The following VSTM4 variants were observed in gnomAD, a reference collection of about 807,000 sequenced individuals.
VSTM4 encodes V-set and transmembrane domain-containing protein 4.
Under a neutral mutation model 36.4 loss-of-function variants are expected in VSTM4, and 20 were observed. That is an observed-to-expected ratio of 0.55 (90% CI 0.39 to 0.80). VSTM4 has a LOEUF of 0.80. VSTM4 is among the 30% of genes least tolerant of loss of function. The pLI, the probability that VSTM4 is intolerant of heterozygous loss-of-function variation, is 0.00. For synonymous variants in VSTM4, 182 were observed against 173.9 expected, an observed-to-expected ratio of 1.05 and a Z score of -0.37; for missense variants, 392 against 404.5, an observed-to-expected ratio of 0.97 and a Z score of 0.26.
chr10:49,095,527 C>A (rs574085055), intron 2 of VSTM4, among the ~76,000 whole-genome samples: 1 of 152,230 alleles, frequency 6.6e-6, no homozygotes, highest in East Asian at 1.9e-4. Context: ...GCATCTAAGT[C>A]CATTGAGTTA....
chr10:49,049,008 A>C (rs1301405092), intron 5 of VSTM4, among the ~76,000 whole-genome samples: 1 of 152,138 alleles, frequency 6.6e-6, no homozygotes, highest in Non-Finnish European at 1.5e-5. Flanking sequence ...AGCTCCCTAA[A>C]ACCAAGGTTC....
At chr10:49,101,399 C>G (rs1299292560) in intron 2 of VSTM4, among the ~76,000 whole-genome samples, 1 of 152,076 alleles carries the variant, frequency 6.6e-6, no homozygotes, top group African/African-American at 2.4e-5. Context: ...ATAAAAAAGA[C>G]AGCAACCCAT....
At chr10:49,028,649 C>T (rs75654734) in intron 7 of VSTM4, among the ~76,000 whole-genome samples, 1 of 152,212 alleles carries the variant, frequency 6.6e-6, no homozygotes, top group Non-Finnish European at 1.5e-5. Flanking sequence ...AACATTCTTA[C>T]TAAGAGAGGT....
chr10:49,033,852 C>G (rs753152576), intron 7 of VSTM4, among the ~76,000 whole-genome samples: 4 of 152,124 alleles, frequency 2.6e-5, no homozygotes, highest in East Asian at 1.9e-4. Flanking sequence ...GTGGGAAGTG[C>G]CATGGAAGGG....
intron 7 of VSTM4, 94 bp downstream of exon 7, chr10:49,046,889 T>C: frequency 7.9e-7 from 1 of 1,267,272 alleles, no homozygotes; most frequent in Non-Finnish European, 1.1e-6. Flanking sequence ...TCTAAAACTT[T>C]CTGTATGTTT....
intron 7 of VSTM4, among the ~76,000 whole-genome samples, chr10:49,040,474 C>T (rs775908084): frequency 3.3e-5 from 5 of 151,764 alleles, no homozygotes; most frequent in Non-Finnish European, 7.4e-5. Flanking sequence ...TTTGAGGAGA[C>T]GAGGTTTCAC....
chr10:49,058,607 G>T lies in VSTM4; in HGVS notation c.668+6096C>A, dbSNP rs115172143. ...GAAGGTCAGGGCCACCCCTCCAAGA[G>T]ACAGCAATTTACAACCTCAGGGACA... On this transcript the variant is annotated intron_variant, in intron 5 of 7. Transcript: ENST00000332853. 2.0e-3 allele frequency among the ~76,000 whole-genome samples: 303 copies of T among 152,284 alleles called. 3 individuals carry two copies. Among genetic ancestry groups the T allele is most frequent in the African/African-American group, 7.0e-3 (292 of 41,576 alleles).
chr10:49,078,500 A>C (rs1034041786), intron 3 of VSTM4, among the ~76,000 whole-genome samples: 30 of 150,778 alleles, frequency 2.0e-4, no homozygotes, highest in African/African-American at 6.6e-4. Context: ...ACCTGGATGA[A>C]TCTCCAGAGA....
intron 2 of VSTM4, among the ~76,000 whole-genome samples, chr10:49,094,527 G>A (rs903341164): frequency 6.6e-5 from 10 of 152,204 alleles, no homozygotes; most frequent in Admixed American, 6.5e-5. Flanking sequence ...CCCTCAGGCA[G>A]CATCTTACAC....
At chr10:49,096,272 G>C (rs1383471982) in intron 2 of VSTM4, among the ~76,000 whole-genome samples, 1 of 152,066 alleles carries the variant, frequency 6.6e-6, no homozygotes, top group African/African-American at 2.4e-5. Flanking sequence ...CACACTTTGG[G>C]GTTAAACAGT....
chr10:49,036,281 C>T (rs1161960157), intron 7 of VSTM4, among the ~76,000 whole-genome samples: 1 of 152,182 alleles, frequency 6.6e-6, no homozygotes, highest in Non-Finnish European at 1.5e-5. Context: ...ATGGGCTGTG[C>T]ATGTGTACCT....
At chr10:49,036,008 G>C (rs1843424695) in intron 7 of VSTM4, among the ~76,000 whole-genome samples, 1 of 152,150 alleles carries the variant, frequency 6.6e-6, no homozygotes, top group Non-Finnish European at 1.5e-5. Flanking sequence ...GAGGGGCCTT[G>C]GCACTAACTG....
Position 49,049,335 on chromosome 10 carries a change from A to C in VSTM4, c.669-751T>G, listed in dbSNP as rs188464907. Among the ~76,000 whole-genome samples the C allele has an allele frequency of 8.9e-4, 135 of 152,332 alleles. 2 individuals carry two copies. The highest frequency in any genetic ancestry group is 6.6e-3 in the Admixed American group (101 of 15,310). Reference sequence around the variant, plus strand: ...GAAGGCCAAGGCTTAAATAGGCTACATGATTGCTCTAAGTGACATTGTTGG... The same window carrying C: ...GAAGGCCAAGGCTTAAATAGGCTACCTGATTGCTCTAAGTGACATTGTTGG... On this transcript the variant is annotated intron_variant, in intron 5 of 7. Transcript: ENST00000332853.
rs1844646962 is a variant in VSTM4, at chr10:49,100,469, G to A, written c.457+7125C>T. 3.3e-5 allele frequency among the ~76,000 whole-genome samples: 5 copies of A among 152,022 alleles called. No homozygotes were observed. In the South Asian group the frequency reaches 1.0e-3, roughly 32 times the overall value. On this transcript the variant is annotated intron_variant, in intron 2 of 7. Transcript: ENST00000332853. ...ACCGATTTAAAATCTTCACATACAT[G>A]TGTCTGCATAGCAGGAGATGGTATA...
chr10:49,084,264 G>A (rs1844331593), intron 3 of VSTM4, among the ~76,000 whole-genome samples: 1 of 152,138 alleles, frequency 6.6e-6, no homozygotes, highest in Non-Finnish European at 1.5e-5. Context: ...TTTACTAGGA[G>A]GCAGTCATCA....
intron 3 of VSTM4, among the ~76,000 whole-genome samples, chr10:49,084,375 A>G (rs1041368925): frequency 6.6e-6 from 1 of 152,236 alleles, no homozygotes; most frequent in Non-Finnish European, 1.5e-5. Flanking sequence ...CAAAATATTT[A>G]TGACTACAAA....
intron 7 of VSTM4, among the ~76,000 whole-genome samples, chr10:49,029,568 T>A (rs750127069): frequency 1.1e-4 from 16 of 152,192 alleles, no homozygotes; most frequent in Non-Finnish European, 2.1e-4. Flanking sequence ...GTCCCAGGCA[T>A]CGCAAATGCA....
chr10:49,024,425 T>G (rs1037889973), intron 7 of VSTM4, among the ~76,000 whole-genome samples: 3 of 152,128 alleles, frequency 2.0e-5, no homozygotes, highest in Non-Finnish European at 4.4e-5. Context: ...AAAGGGAAAT[T>G]CTTCTAACTC....
At chr10:49,079,215 T>C (rs1844235630) in intron 3 of VSTM4, among the ~76,000 whole-genome samples, 1 of 151,790 alleles carries the variant, frequency 6.6e-6, no homozygotes, top group Non-Finnish European at 1.5e-5. Flanking sequence ...TACATACATC[T>C]CTTTTAGAGA....
Sources: gnomAD v4.1 joint callset for allele counts (sites outside exome capture counted in the v4.1 genomes callset) on GRCh38, gnomAD v4.1.1 for gene constraint, MANE v1.5 for transcripts, NCBI Gene and HGNC (gene_info 2026-07-23, HGNC 2026-07-21) for gene names.